Variants in ZNF469 observed in about 807,000 individuals in gnomAD.
ZNF469 encodes the protein zinc finger protein 469.
In ZNF469, 1 loss-of-function variant was observed where a neutral mutation model predicts 1.0. The ratio of observed to expected loss-of-function variants is 1.00; its 90% confidence interval spans 0.35 to 4.73. The LOEUF (loss-of-function observed/expected upper bound fraction) is 4.73. Ranked by LOEUF, ZNF469 falls within the 30% of genes most tolerant of loss-of-function variation. The pLI is 0.16. For synonymous variants in ZNF469, 2,703 were observed against 2,363.4 expected (o/e 1.14, Z -4.17); for missense variants, 6,100 against 5,356.3 (o/e 1.14, Z -4.33).
chr16:88,334,944 C>T, the ZNF469 span, among the ~76,000 whole-genome samples: 49 of 149,708 alleles, frequency 3.3e-4, no homozygotes, highest in African/African-American at 1.1e-3. Context: ...AAGATGCCAA[C>T]GGAAGGACAC....
chr16:88,379,059 G>A (rs1280274740), upstream of ZNF469, among the ~76,000 whole-genome samples: 9 of 152,192 alleles, frequency 5.9e-5, no homozygotes, highest in Admixed American at 5.9e-4. Context: ...GAATCTGTCG[G>A]AGGCTTCTCG....
chr16:88,411,975 C>A (rs1321969865), intron 1 of ZNF469, among the ~76,000 whole-genome samples: 1 of 182 alleles, frequency 5.5e-3, no homozygotes, highest in Non-Finnish European at 7.8e-3. Flanking sequence ...TGTCGCACAG[C>A]AAGGCCAGGT....
rs1375490839 is a variant in ZNF469 at position 88,428,356 on chromosome 16, G to A, written c.886G>A (p.Ala296Thr). ...CTTCCCTGCGGATGTGGCTGGGCAC[G>A]CATTCACCAATGGGCCACTGGTGTT... Reference protein sequence around the residue: ...KPFPADVAGHAFTNGPLVFAF... With the variant: ...KPFPADVAGHTFTNGPLVFAF... The change falls in exon 3 of 3, where the codon GCA (alanine) becomes ACA (threonine). Residue 296 changes from alanine to threonine, a missense_variant. Transcript: ENST00000565624. 9.7e-6 allele frequency: 15 copies of A among 1,548,888 alleles called. No homozygotes were observed. The highest frequency in any genetic ancestry group is 3.6e-5 in the South Asian group (3 of 84,074).
the ZNF469 span, among the ~76,000 whole-genome samples, chr16:88,368,492 T>A: frequency 6.6e-6 from 1 of 152,182 alleles, no homozygotes; most frequent in Non-Finnish European, 1.5e-5. Context: ...AGCTTGGTCA[T>A]TGGCTGGGAG....
chr16:88,229,610 T>TGTCACGCGTGTGC, the ZNF469 span, among the ~76,000 whole-genome samples: 2 of 54,912 alleles, frequency 3.6e-5, no homozygotes, highest in South Asian at 7.2e-4. Flanking sequence ...CACGCGTGTG[T>TGTCACGCGTGTGC]GCTGATGTCA....
chr16:88,438,281 C>T lies in ZNF469; in HGVS notation c.10811C>T (p.Pro3604Leu), dbSNP rs957402222. The change falls in exon 3 of 3, where the codon CCG becomes CTG. Residue 3604 changes from proline to leucine, a missense_variant. Coordinates refer to ENST00000565624, the MANE Select transcript of ZNF469 (RefSeq NM_001367624.2). ...CCTCTGGGGGCATCTCTGCCGCGGC[C>T]GGGAGCCAGAGGCCAAGATGCGGAG... is the stretch of plus-strand genomic sequence containing the variant. The part of the protein sequence containing the change: ...ALPLGASLPR[P>L]GARGQDAEGK... 1.7e-5 allele frequency: 27 copies of T among 1,548,196 alleles called. No homozygotes were observed. In the East Asian group the frequency reaches 4.2e-4, roughly 24 times the overall value.
the ZNF469 span, among the ~76,000 whole-genome samples, chr16:88,151,251 C>T: frequency 1.3e-5 from 2 of 152,196 alleles, no homozygotes; most frequent in South Asian, 2.1e-4. This position sits in a 1 kb window ranked among gnomAD's most constrained non-coding sequence, Gnocchi z 5.4. Flanking sequence ...ATCCAGGCCT[C>T]GACTGTCAGC....
At chr16:88,299,888 C>T in the ZNF469 span, among the ~76,000 whole-genome samples, 2 of 152,168 alleles carry the variant, frequency 1.3e-5, no homozygotes, top group African/African-American at 2.4e-5. Context: ...AGCACTGCCC[C>T]GGTGCAATGG....
chr16:88,118,028 C>T, the ZNF469 span, among the ~76,000 whole-genome samples: 7 of 152,366 alleles, frequency 4.6e-5, no homozygotes, highest in African/African-American at 1.4e-4. Flanking sequence ...CCGCAACCTC[C>T]GCCTCCTGGA....
intron 1 of ZNF469, among the ~76,000 whole-genome samples, chr16:88,416,774 GC>G (rs1427574836): frequency 2.0e-5 from 3 of 152,144 alleles, no homozygotes; most frequent in Non-Finnish European, 2.9e-5. Context: ...CGCACCCTTC[GC>G]CCTTCCAGGG....
the ZNF469 span, among the ~76,000 whole-genome samples, chr16:88,240,675 T>G: frequency 6.6e-6 from 1 of 151,896 alleles, no homozygotes; most frequent in East Asian, 1.9e-4. Flanking sequence ...GCCCTCAAAA[T>G]AGGGGAAATT....
At chr16:88,239,669 A>G in the ZNF469 span, among the ~76,000 whole-genome samples, 32 of 4,126 alleles carry the variant, frequency 7.8e-3, 1 homozygote, top group South Asian at 9.3e-3. Flanking sequence ...TTTTTTTTGT[A>G]TATATATATA....
the ZNF469 span, among the ~76,000 whole-genome samples, chr16:88,163,695 T>C: frequency 6.7e-6 from 1 of 148,790 alleles, no homozygotes; most frequent in African/African-American, 2.5e-5. Flanking sequence ...GGTGGGTGGA[T>C]GTATGATGGA....
chr16:88,376,995 G>A, the ZNF469 span, among the ~76,000 whole-genome samples: 3 of 152,256 alleles, frequency 2.0e-5, no homozygotes, highest in Non-Finnish European at 4.4e-5. Flanking sequence ...GAGGGCCAGA[G>A]GCACCAGAAG....
At position 88,439,000 on chromosome 16, in the gene ZNF469, C is replaced by T. The variant is rs866162306; in HGVS notation, c.11530C>T (p.Pro3844Ser). 65 of 1,550,226 alleles carry T rather than the reference C, an allele frequency of 4.2e-5. 1 individual carries two copies. The Middle Eastern group carries it at 3.3e-3, about 80-fold the overall frequency. ...GAGAGCCCCCTCAGCCCCTGACAAG[C>T]CCCCCCGGACCCCTCGGAAGCAGGC... is the stretch of plus-strand genomic sequence containing the variant. ...FGRAPSAPDK[P>S]PRTPRKQATP... The change falls in exon 3 of 3, where the codon CCC becomes TCC. Residue 3844 changes from proline to serine, a missense_variant. Pro to Ser is a moderately conservative substitution (Grantham distance 74). Transcript: ENST00000565624.
chr16:88,114,423 T>C, the ZNF469 span, among the ~76,000 whole-genome samples: 1 of 145,282 alleles, frequency 6.9e-6, no homozygotes, highest in South Asian at 2.2e-4. Flanking sequence ...GGGACCACAC[T>C]CACTGCGGGG....
At chr16:88,203,775 G>C in the ZNF469 span, among the ~76,000 whole-genome samples, 3 of 151,858 alleles carry the variant, frequency 2.0e-5, no homozygotes, top group Admixed American at 1.3e-4. Flanking sequence ...GCTTTATAAA[G>C]ACACTGGTCA....
chr16:88,122,573 A>G, the ZNF469 span, among the ~76,000 whole-genome samples: 11 of 152,008 alleles, frequency 7.2e-5, no homozygotes, highest in Admixed American at 6.6e-5. Context: ...GTCACTCACT[A>G]CGGCCACGGC....
the ZNF469 span, among the ~76,000 whole-genome samples, chr16:88,337,197 C>T: frequency 6.6e-6 from 1 of 152,186 alleles, no homozygotes; most frequent in Non-Finnish European, 1.5e-5. Flanking sequence ...TAAATGGTGG[C>T]TCCCACCATT....
Sources: allele counts gnomAD v4.1 joint callset (sites outside exome capture counted in the v4.1 genomes callset), GRCh38; gene constraint gnomAD v4.1.1; non-coding constraint Gnocchi (gnomAD v3.1); transcripts MANE v1.5; gene names NCBI Gene and HGNC (gene_info 2026-07-23, HGNC 2026-07-21).